SNX29: variants seen among roughly 807,000 people sequenced by gnomAD.
The protein encoded by SNX29 is sorting nexin 29.
In SNX29, 78 loss-of-function variants were observed where a neutral mutation model predicts 102.1. That is an observed-to-expected ratio of 0.76 (90% CI 0.64 to 0.92). The LOEUF (loss-of-function observed/expected upper bound fraction) is 0.92. Ranked by LOEUF, SNX29 falls within the 40% of genes least tolerant of loss-of-function variation. SNX29 has a pLI of 0.00. For missense variants in SNX29, 1,280 were observed against 1,061.7 expected, an observed-to-expected ratio of 1.21 and a Z score of -2.86; for synonymous variants, 580 against 414.5, an observed-to-expected ratio of 1.40 and a Z score of -4.85.
In SNX29 at chr16:12,571,001, G is replaced by C. The variant is rs140819392; in HGVS notation, c.*2372G>C. ...CCTCCCCCATGATCATGCACAGACCGTAGAGTCGAGTCATCTCGCAGATCC... is the reference window on the plus strand; with the variant it reads ...CCTCCCCCATGATCATGCACAGACCCTAGAGTCGAGTCATCTCGCAGATCC... On this transcript the variant is annotated 3_prime_UTR_variant, in exon 21 of 21. Transcript: ENST00000566228. 1.3e-5 allele frequency: 3 copies of C among 232,192 alleles called. No homozygotes were observed. Among genetic ancestry groups the C allele is most frequent in the Non-Finnish European group, 1.7e-5 (2 of 117,456 alleles). The allele number at this position is 232,192 out of a possible 1,614,324, so 14.4% of individuals were successfully genotyped here. A position where few individuals can be genotyped will look rare whatever the true frequency, so the allele number is the denominator to read the frequency against.
chr16:12,367,203 C>G (rs1454408832), intron 16 of SNX29: 1 of 152,446 alleles, frequency 6.6e-6, no homozygotes, highest in African/African-American at 2.4e-5. Context: ...CTTCCATTTT[C>G]CCCTGTGGAC....
chr16:12,432,961 C>T (rs959288653), intron 18 of SNX29, among the ~76,000 whole-genome samples: 3 of 152,104 alleles, frequency 2.0e-5, no homozygotes, highest in Non-Finnish European at 2.9e-5. Flanking sequence ...AGTGTGATGC[C>T]GGGCCTGGGC....
chr16:12,147,790 C>A (rs1289316252), intron 13 of SNX29, among the ~76,000 whole-genome samples: 2 of 152,228 alleles, frequency 1.3e-5, no homozygotes, highest in African/African-American at 2.4e-5. Flanking sequence ...ATTTCCATGT[C>A]ACTGAACATG....
chr16:12,192,819 C>T (rs555309334), intron 13 of SNX29, among the ~76,000 whole-genome samples: 21 of 152,318 alleles, frequency 1.4e-4, no homozygotes, highest in Non-Finnish European at 2.6e-4. Context: ...TTTCCTGCCT[C>T]AGCTCCCAAG....
chr16:12,165,292 G>T (rs77234183), intron 13 of SNX29, among the ~76,000 whole-genome samples: 2,720 of 152,304 alleles, frequency 0.018, 80 homozygotes, highest in African/African-American at 0.062. Flanking sequence ...CAAACATCTT[G>T]CTCCCTTTTG....
At chr16:12,553,287 G>A (rs1020804472) in intron 20 of SNX29, among the ~76,000 whole-genome samples, 1 of 152,222 alleles carries the variant, frequency 6.6e-6, no homozygotes, top group East Asian at 1.9e-4. Flanking sequence ...CAGAGTAAGA[G>A]GAAAATGAGT....
chr16:12,559,087 C>T (rs1444372969), intron 20 of SNX29, among the ~76,000 whole-genome samples: 1 of 152,126 alleles, frequency 6.6e-6, no homozygotes, highest in Non-Finnish European at 1.5e-5. Context: ...TCCCCGTGCT[C>T]CTTAGTCTAG....
At chr16:12,561,833 T>G (rs901939266) in intron 20 of SNX29, among the ~76,000 whole-genome samples, 1 of 152,180 alleles carries the variant, frequency 6.6e-6, no homozygotes, top group African/African-American at 2.4e-5. Flanking sequence ...TCCTTCTCCC[T>G]GCAGGGGAGG....
At chr16:12,046,730 C>T (rs549692758) in intron 6 of SNX29, among the ~76,000 whole-genome samples, 2 of 152,250 alleles carry the variant, frequency 1.3e-5, no homozygotes, top group South Asian at 4.1e-4. Flanking sequence ...AGTCATTTTC[C>T]TGTCTCAACC....
intron 19 of SNX29, among the ~76,000 whole-genome samples, chr16:12,512,969 A>G (rs1394353111): frequency 6.6e-6 from 1 of 151,980 alleles, no homozygotes; most frequent in African/African-American, 2.4e-5. Flanking sequence ...GAAAGAGTCG[A>G]TGGGGCCTTG....
At chr16:12,323,387 A>G (rs577405671) in intron 15 of SNX29, among the ~76,000 whole-genome samples, 1 of 152,212 alleles carries the variant, frequency 6.6e-6, no homozygotes, top group South Asian at 2.1e-4. Context: ...CTTTTTACCT[A>G]AAGTAAACTC....
chr16:12,565,376 A>G (rs2078955520), intron 20 of SNX29, among the ~76,000 whole-genome samples: 1 of 152,188 alleles, frequency 6.6e-6, no homozygotes, highest in African/African-American at 2.4e-5. Flanking sequence ...TGGTCTAGCC[A>G]GATTTCCGCA....
chr16:12,105,287 T>C (rs886161124), intron 11 of SNX29, among the ~76,000 whole-genome samples: 6 of 141,664 alleles, frequency 4.2e-5, no homozygotes, highest in Non-Finnish European at 9.2e-5. Context: ...TGCAGGGTCA[T>C]GATCTCAGCT....
intron 13 of SNX29, among the ~76,000 whole-genome samples, chr16:12,149,431 G>C (rs1463861812): frequency 1.3e-5 from 2 of 152,232 alleles, no homozygotes; most frequent in Non-Finnish European, 2.9e-5. Flanking sequence ...TCTGTGCTTA[G>C]TGCCTGGTAC....
chr16:12,441,183 G>T (rs1320633834), intron 18 of SNX29, among the ~76,000 whole-genome samples: 1 of 149,402 alleles, frequency 6.7e-6, no homozygotes, highest in Admixed American at 6.7e-5. Context: ...CGCCTCCTGG[G>T]TTCCCGCCAT....
At chr16:12,026,820 T>A (rs1001197185) in intron 3 of SNX29, among the ~76,000 whole-genome samples, 3 of 152,208 alleles carry the variant, frequency 2.0e-5, no homozygotes, top group African/African-American at 7.2e-5. Context: ...TCATATATTC[T>A]TTTTAGAGCA....
intron 18 of SNX29, among the ~76,000 whole-genome samples, chr16:12,421,728 C>G (rs533292719): frequency 1.3e-5 from 2 of 152,260 alleles, no homozygotes; most frequent in East Asian, 3.9e-4. Context: ...CTCCTTCCTC[C>G]TCAATCAGAA....
chr16:12,043,102 G>A (rs1317620085), intron 5 of SNX29, 25 bp downstream of exon 5: 13 of 1,610,626 alleles, frequency 8.1e-6, no homozygotes, highest in African/African-American at 1.3e-5. Flanking sequence ...TGCGAACTGG[G>A]ATGGGATGGA....
chr16:12,545,167 C>T (rs950934961), intron 20 of SNX29, among the ~76,000 whole-genome samples: 3 of 152,090 alleles, frequency 2.0e-5, no homozygotes, highest in South Asian at 2.1e-4. Context: ...CTCTGCCAGC[C>T]GTCAGAGAAA....
Sources: allele counts gnomAD v4.1 joint callset (sites outside exome capture counted in the v4.1 genomes callset), GRCh38; gene constraint gnomAD v4.1.1; transcripts MANE v1.5; gene names NCBI Gene and HGNC (gene_info 2026-07-23, HGNC 2026-07-21).